The following PTGR1 variants were observed in gnomAD, a reference collection of about 807,000 sequenced individuals.
The protein encoded by PTGR1 is prostaglandin reductase 1, also known as 15-oxoprostaglandin 13-reductase.
In PTGR1, 23 loss-of-function variants were observed where a neutral mutation model predicts 37.7. The observed-to-expected ratio is 0.61, with a 90% CI of 0.44 to 0.86. PTGR1 has a LOEUF of 0.86. Among genes scored for constraint, PTGR1 ranks in the 40% least tolerant of loss-of-function variants. The pLI is 0.00. For missense variants in PTGR1, 351 were observed against 394.3 expected, an observed-to-expected ratio of 0.89 and a Z score of 0.93; for synonymous variants, 134 against 140.0, an observed-to-expected ratio of 0.96 and a Z score of 0.30.
chr9:111,560,672 G>A (rs1280772783), downstream of PTGR1, among the ~76,000 whole-genome samples: 3 of 143,634 alleles, frequency 2.1e-5, no homozygotes, highest in Admixed American at 7.0e-5. Flanking sequence ...CACCACGCAC[G>A]GTGGTTCACG....
At chr9:111,578,389 G>A (rs1589308401) in intron 7 of PTGR1, among the ~76,000 whole-genome samples, 1 of 151,966 alleles carries the variant, frequency 6.6e-6, no homozygotes, top group South Asian at 2.1e-4. Context: ...AGAATCAGTG[G>A]GTGAGTTTTC....
At chr9:111,571,936 C>T (rs150126178) in intron 8 of PTGR1, among the ~76,000 whole-genome samples, 1 of 152,258 alleles carries the variant, frequency 6.6e-6, no homozygotes, top group African/African-American at 2.4e-5. Flanking sequence ...TACCCTTCTG[C>T]GTGTAAGGAA....
chr9:111,591,968 G>T (rs1305795672), intron 4 of PTGR1, among the ~76,000 whole-genome samples: 3 of 152,164 alleles, frequency 2.0e-5, no homozygotes, highest in Non-Finnish European at 4.4e-5. Flanking sequence ...CAGTCAGGGA[G>T]GTTTCACATC....
At chr9:111,573,065 G>T (rs77928057) in intron 8 of PTGR1, among the ~76,000 whole-genome samples, 1 of 152,078 alleles carries the variant, frequency 6.6e-6, no homozygotes, top group Non-Finnish European at 1.5e-5. Flanking sequence ...GATTAAAATG[G>T]AACGGACAAG....
At chr9:111,594,304 C>T (rs1175938485) in intron 2 of PTGR1, 37 bp from the exon 3 acceptor site, 10 of 1,585,360 alleles carry the variant, frequency 6.3e-6, no homozygotes, top group Middle Eastern at 3.3e-4. Flanking sequence ...ATTAGAAACT[C>T]AAGGCCTGAG....
intron 7 of PTGR1, among the ~76,000 whole-genome samples, chr9:111,578,331 T>C (rs1564617142): frequency 6.6e-6 from 1 of 152,128 alleles, no homozygotes; most frequent in Non-Finnish European, 1.5e-5. Flanking sequence ...TCTATTATTA[T>C]TGCAATGTAA....
chr9:111,563,413 A>G, intron 9 of PTGR1, 182 bp from the exon 10 acceptor site: 4 of 523,072 alleles, frequency 7.6e-6, no homozygotes, highest in Non-Finnish European at 9.9e-6. Context: ...CAGTACATGT[A>G]AAAAAGATTA....
At chr9:111,564,293 T>A (rs1349698237) in intron 9 of PTGR1, 5 of 596,424 alleles carry the variant, frequency 8.4e-6, no homozygotes, top group Non-Finnish European at 1.1e-5. Flanking sequence ...ATTATTATTA[T>A]TATTATTATT....
At chr9:111,565,001 G>A (rs1828491506) in intron 9 of PTGR1, among the ~76,000 whole-genome samples, 2 of 152,060 alleles carry the variant, frequency 1.3e-5, no homozygotes, top group Non-Finnish European at 2.9e-5. Context: ...GCGTGTACCT[G>A]TAATCCCAGC....
chr9:111,588,767 C>G (rs1829519112), intron 4 of PTGR1, among the ~76,000 whole-genome samples: 1 of 152,050 alleles, frequency 6.6e-6, no homozygotes, highest in African/African-American at 2.4e-5. Context: ...CTCAGGTGAT[C>G]CACCCACCTC....
chr9:111,595,003 CA>C (rs1380784371), intron 2 of PTGR1, among the ~76,000 whole-genome samples: 2 of 151,734 alleles, frequency 1.3e-5, no homozygotes, highest in Non-Finnish European at 2.9e-5. Context: ...TACAGGCGCC[CA>C]CCACTGCACC....
intron 7 of PTGR1, chr9:111,577,656 G>A (rs1362901350): frequency 6.6e-6 from 1 of 152,100 alleles, no homozygotes; most frequent in African/African-American, 2.4e-5. Flanking sequence ...ACCAGCCTGG[G>A]CAACATGGCG....
chr9:111,580,976 C>T (rs1250143649), intron 6 of PTGR1, among the ~76,000 whole-genome samples: 1 of 152,144 alleles, frequency 6.6e-6, no homozygotes, highest in Non-Finnish European at 1.5e-5. Context: ...ATGGCAGTCT[C>T]CAGTGGAATT....
intron 6 of PTGR1, among the ~76,000 whole-genome samples, chr9:111,582,225 G>A (rs1174097577): frequency 6.6e-6 from 1 of 152,146 alleles, no homozygotes; most frequent in Non-Finnish European, 1.5e-5. Context: ...ACTTTCAGAT[G>A]GGTGAAAAAT....
chr9:111,579,365 G>GT (rs1229788956), intron 6 of PTGR1, among the ~76,000 whole-genome samples: 1 of 151,844 alleles, frequency 6.6e-6, no homozygotes, highest in Non-Finnish European at 1.5e-5. Flanking sequence ...AGCCCTCCTA[G>GT]TAACTGCCCC....
chr9:111,577,877 A>C (rs1644706357), intron 7 of PTGR1: 1 of 152,120 alleles, frequency 6.6e-6, no homozygotes, highest in Admixed American at 6.6e-5. Context: ...AGCACTGATA[A>C]ATTCTATGAT....
chr9:111,571,224 CA>C (rs1828806229), intron 8 of PTGR1, among the ~76,000 whole-genome samples: 1 of 149,158 alleles, frequency 6.7e-6, no homozygotes, highest in Non-Finnish European at 1.5e-5. Context: ...GCAGCCTGGC[CA>C]ACATGGTGAA....
chr9:111,579,901 T>C (rs1829223057), intron 6 of PTGR1, among the ~76,000 whole-genome samples: 1 of 152,228 alleles, frequency 6.6e-6, no homozygotes, highest in South Asian at 2.1e-4. Flanking sequence ...GAAAGCTCCC[T>C]TATACTCTAA....
chr9:111,582,490 T>G (rs1004986888), intron 6 of PTGR1, among the ~76,000 whole-genome samples: 5 of 151,728 alleles, frequency 3.3e-5, no homozygotes, highest in Non-Finnish European at 7.4e-5. Flanking sequence ...ATGCAAAAAT[T>G]CTATTTTAAA....
Sources: gnomAD v4.1 joint callset for allele counts (sites outside exome capture counted in the v4.1 genomes callset) on GRCh38, gnomAD v4.1.1 for gene constraint, MANE v1.5 for transcripts, NCBI Gene and HGNC (gene_info 2026-07-23, HGNC 2026-07-21) for gene names.